GLB1: variants seen among roughly 807,000 people sequenced by gnomAD.
The protein encoded by GLB1 is galactosidase beta 1.
In GLB1, 56 loss-of-function variants were observed where a neutral mutation model predicts 74.0. That is an observed-to-expected ratio of 0.76 (90% CI 0.61 to 0.94). The LOEUF is 0.94. GLB1 is among the 40% of genes least tolerant of loss of function. The probability of loss-of-function intolerance (pLI) is 0.00; values close to 1 mark genes in which losing one functional copy is unlikely to be tolerated. For missense variants in GLB1, 787 were observed against 845.5 expected (o/e 0.93, Z 0.86); for synonymous variants, 323 against 323.6 (o/e 1.00, Z 0.02).
At chr3:33,054,996 G>T (rs1397541998) in intron 6 of GLB1, among the ~76,000 whole-genome samples, 1 of 152,246 alleles carries the variant, frequency 6.6e-6, no homozygotes, top group Non-Finnish European at 1.5e-5. Flanking sequence ...TGGGCCTTTG[G>T]CTTCTCTGTA....
At chr3:33,030,794 C>T (rs1575427939) in intron 10 of GLB1, 1 of 985,404 alleles carries the variant, frequency 1.0e-6, no homozygotes, top group Non-Finnish European at 1.2e-6. Context: ...CAGCGGAACT[C>T]TTACGTTGAT....
chr3:33,073,666 C>A (rs545062407), intron 1 of GLB1, among the ~76,000 whole-genome samples: 1 of 151,048 alleles, frequency 6.6e-6, no homozygotes, highest in Non-Finnish European at 1.5e-5. Flanking sequence ...CCAGCCTGGG[C>A]GACAGAGCGA....
intron 15 of GLB1, among the ~76,000 whole-genome samples, chr3:32,998,574 G>A (rs960424940): frequency 6.6e-6 from 1 of 151,554 alleles, no homozygotes; most frequent in Non-Finnish European, 1.5e-5. Flanking sequence ...TGGCTGAATA[G>A]ATGGACCATT....
intron 15 of GLB1, among the ~76,000 whole-genome samples, chr3:32,999,060 T>C (rs1696436000): frequency 6.6e-6 from 1 of 152,160 alleles, no homozygotes; most frequent in African/African-American, 2.4e-5. Context: ...TAGCACTCCT[T>C]ACATGATTAA....
chr3:33,003,206 C>T (rs1696649388), intron 15 of GLB1, among the ~76,000 whole-genome samples: 1 of 152,174 alleles, frequency 6.6e-6, no homozygotes, highest in Non-Finnish European at 1.5e-5. Context: ...AAAATAACAG[C>T]ATAAAAGATA....
rs57935919 is a variant in GLB1 at position 33,087,579 on chromosome 3, GCACACACACACACACACACACACACA to G, written c.75+9406_75+9431del. ...AGCAAGACCATGTCTCAGCATGCGC[GCACACACACACACACACACACACACA>G]CACACACACACACACACACACACAC... On this transcript the variant is annotated intron_variant, in intron 1 of 15. Coordinates refer to ENST00000307363, the MANE Select transcript of GLB1 (RefSeq NM_000404.4). 4.7e-4 allele frequency among the ~76,000 whole-genome samples: 66 copies of G among 141,910 alleles called. 1 individual carries two copies. Among genetic ancestry groups the G allele is most frequent in the African/African-American group, 1.6e-3 (62 of 37,728 alleles). The allele number at this position is 141,910 out of a possible 152,430, so 93.1% of individuals were successfully genotyped here.
At chr3:32,970,114 TCAGA>T in the GLB1 span, among the ~76,000 whole-genome samples, 1 of 152,200 alleles carries the variant, frequency 6.6e-6, no homozygotes, top group Non-Finnish European at 1.5e-5. Context: ...AACTCTAAGA[TCAGA>T]CAATGAACCA....
intron 10 of GLB1, among the ~76,000 whole-genome samples, chr3:33,036,909 T>C (rs1183496574): frequency 2.6e-5 from 4 of 152,182 alleles, no homozygotes; most frequent in African/African-American, 9.7e-5. Context: ...AGAGTTTCTG[T>C]CTGGAAGGAA....
At position 33,018,537 on chromosome 3, in the gene GLB1, T is replaced by C. The variant is rs200181401; in HGVS notation, c.1258A>G (p.Thr420Ala). The change falls in exon 13 of 16, where the codon ACA becomes GCA. Residue 420 changes from threonine to alanine, a missense_variant. Coordinates refer to ENST00000307363, the MANE Select transcript of GLB1 (RefSeq NM_000404.4). ...TTGCTGCAATCTTGAGGAAGTGTTG[T>C]CCGGTACAGCACAAACCCATAATGC... ...KQHYGFVLYRTTLPQDCSNPA... is the reference protein window; with the variant it reads ...KQHYGFVLYRATLPQDCSNPA... 1 of 1,614,020 alleles carries C rather than the reference T, an allele frequency of 6.2e-7. No homozygotes were observed. The highest frequency in any genetic ancestry group is 8.5e-7 in the Non-Finnish European group (1 of 1,179,992).
At chr3:32,985,106 A>G in the GLB1 span, among the ~76,000 whole-genome samples, 3 of 137,588 alleles carry the variant, frequency 2.2e-5, no homozygotes, top group Non-Finnish European at 4.5e-5. Flanking sequence ...CTCTGTCTCA[A>G]AAAAAAAAAA....
chr3:32,986,174 G>T, the GLB1 span, among the ~76,000 whole-genome samples: 1 of 152,256 alleles, frequency 6.6e-6, no homozygotes, highest in Non-Finnish European at 1.5e-5. Context: ...TCTGTCGGCT[G>T]CTCCTGCTCA....
intron 9 of GLB1, among the ~76,000 whole-genome samples, chr3:33,050,170 C>T (rs1437056708): frequency 1.3e-5 from 2 of 152,158 alleles, no homozygotes; most frequent in Admixed American, 1.3e-4. Flanking sequence ...AAAATTTTGT[C>T]ATAATTTTTC....
chr3:33,079,701 C>A (rs1384973134), intron 1 of GLB1, among the ~76,000 whole-genome samples: 3 of 152,184 alleles, frequency 2.0e-5, no homozygotes, highest in African/African-American at 7.2e-5. Flanking sequence ...GTATGTAGCC[C>A]TTGCCATTGT....
intron 15 of GLB1, among the ~76,000 whole-genome samples, chr3:33,004,359 G>A (rs753135145): frequency 1.3e-5 from 2 of 152,188 alleles, no homozygotes; most frequent in Non-Finnish European, 2.9e-5. Flanking sequence ...ACTCAAAATC[G>A]TGAACTAAAT....
intron 1 of GLB1, chr3:33,077,316 C>T (rs1268312846): frequency 6.4e-7 from 1 of 1,563,220 alleles, no homozygotes; most frequent in South Asian, 1.1e-5. Context: ...AAGAGGCATA[C>T]ACCACTTAGT....
chr3:33,039,142 C>T (rs4234264), intron 10 of GLB1, among the ~76,000 whole-genome samples: 144,044 of 151,842 alleles, frequency 0.95, 68,795 homozygotes, highest in East Asian at 1. Context: ...CTATGAAAAT[C>T]AGCCAGGTGT....
At chr3:33,051,233 C>CAAA (rs35399363) in intron 9 of GLB1, among the ~76,000 whole-genome samples, 17 of 76,330 alleles carry the variant, frequency 2.2e-4, no homozygotes, top group African/African-American at 6.2e-4. Context: ...GACTGCGTCT[C>CAAA]AAAAAAAAAA....
chr3:33,042,846 C>T (rs1338438763), intron 10 of GLB1, among the ~76,000 whole-genome samples: 1 of 152,186 alleles, frequency 6.6e-6, no homozygotes, highest in Non-Finnish European at 1.5e-5. Context: ...TGTTTGAGCT[C>T]CACCTTTTCA....
At chr3:33,057,954 C>A in intron 6 of GLB1, 135 bp downstream of exon 6, 1 of 1,210,012 alleles carries the variant, frequency 8.3e-7, no homozygotes, top group South Asian at 1.4e-5. Flanking sequence ...GTATTCTATT[C>A]TACCTGTTCC....
Sources: allele counts gnomAD v4.1 joint callset (sites outside exome capture counted in the v4.1 genomes callset), GRCh38; gene constraint gnomAD v4.1.1; transcripts MANE v1.5; gene names NCBI Gene and HGNC (gene_info 2026-07-23, HGNC 2026-07-21).